ROBO1: variants seen among roughly 807,000 people sequenced by gnomAD.
The protein encoded by ROBO1 is roundabout homolog 1.
In ROBO1, 149 loss-of-function variants were observed where a neutral mutation model predicts 195.9. The observed-to-expected ratio is 0.76, with a 90% CI of 0.67 to 0.87. ROBO1 has a LOEUF of 0.87. Ranked by LOEUF, ROBO1 falls within the 40% of genes least tolerant of loss-of-function variation. ROBO1 has a pLI of 0.00. For synonymous variants in ROBO1, 816 were observed against 733.2 expected, an observed-to-expected ratio of 1.11 and a Z score of -1.82; for missense variants, 1,933 against 2,068.3, an observed-to-expected ratio of 0.93 and a Z score of 1.27.
intron 2 of ROBO1, among the ~76,000 whole-genome samples, chr3:79,565,250 A>T (rs1326599250): frequency 6.6e-6 from 1 of 152,016 alleles, no homozygotes; most frequent in Admixed American, 6.6e-5. Context: ...GCACAGTCTT[A>T]ACCATCAGAC....
intron 2 of ROBO1, among the ~76,000 whole-genome samples, chr3:79,580,394 G>T (rs1943621307): frequency 6.6e-6 from 1 of 151,752 alleles, no homozygotes; most frequent in Non-Finnish European, 1.5e-5. Flanking sequence ...GAATCACTTG[G>T]ACCCTTGAGC....
At chr3:78,720,234 T>C (rs970249349) in intron 5 of ROBO1, among the ~76,000 whole-genome samples, 11 of 152,224 alleles carry the variant, frequency 7.2e-5, no homozygotes, top group African/African-American at 2.4e-4. Context: ...GTAAAAATTT[T>C]GTGGGAGGAA....
chr3:78,739,543 G>A (rs1017680402), intron 5 of ROBO1, among the ~76,000 whole-genome samples: 7 of 152,070 alleles, frequency 4.6e-5, no homozygotes, highest in Non-Finnish European at 8.8e-5. Flanking sequence ...AGTGGCAAAT[G>A]ATGACAGTTA....
intron 26 of ROBO1, among the ~76,000 whole-genome samples, chr3:78,618,505 A>T (rs1704259700): frequency 6.6e-6 from 1 of 152,128 alleles, no homozygotes; most frequent in African/African-American, 2.4e-5. Flanking sequence ...TACTTTTTCA[A>T]GCAAATGAAG....
intron 3 of ROBO1, among the ~76,000 whole-genome samples, chr3:79,016,087 C>T (rs180857392): frequency 1.2e-3 from 179 of 152,318 alleles, no homozygotes; most frequent in African/African-American, 4.1e-3. Flanking sequence ...ACATGAAACA[C>T]AATCTTTCAA....
intron 10 of ROBO1, among the ~76,000 whole-genome samples, chr3:78,680,573 C>T (rs1298392628): frequency 3.3e-5 from 5 of 151,812 alleles, no homozygotes; most frequent in African/African-American, 1.2e-4. Context: ...CCAAACAACA[C>T]ATGAAAAAAT....
chr3:78,644,231 G>A (rs112115221), intron 21 of ROBO1, among the ~76,000 whole-genome samples: 109 of 151,940 alleles, frequency 7.2e-4, no homozygotes, highest in African/African-American at 2.1e-3. Flanking sequence ...TATTTTTTCC[G>A]TAGCATTTAT....
chr3:78,736,441 T>C (rs374175417), intron 5 of ROBO1, among the ~76,000 whole-genome samples: 12 of 152,134 alleles, frequency 7.9e-5, no homozygotes, highest in African/African-American at 2.6e-4. Context: ...AGAAATCTAG[T>C]GTGGGTATTT....
intron 2 of ROBO1, among the ~76,000 whole-genome samples, chr3:79,551,121 T>G (rs1391762043): frequency 2.0e-5 from 3 of 152,130 alleles, no homozygotes; most frequent in Non-Finnish European, 4.4e-5. Flanking sequence ...AGTCAATAAT[T>G]TAAGTTTATT....
intron 2 of ROBO1, among the ~76,000 whole-genome samples, chr3:79,447,809 G>C (rs990362562): frequency 6.6e-6 from 1 of 151,958 alleles, no homozygotes; most frequent in Non-Finnish European, 1.5e-5. Flanking sequence ...AATTAGAAGA[G>C]ACATCGCCTA....
intron 2 of ROBO1, among the ~76,000 whole-genome samples, chr3:79,478,366 T>G (rs186782307): frequency 6.7e-6 from 1 of 149,986 alleles, no homozygotes; most frequent in Admixed American, 6.7e-5. Flanking sequence ...TTATTCAACC[T>G]GGAACTGAAT....
intron 2 of ROBO1, among the ~76,000 whole-genome samples, chr3:79,202,536 T>C (rs1473431835): frequency 8.0e-6 from 1 of 124,334 alleles, no homozygotes; most frequent in Non-Finnish European, 1.7e-5. Context: ...TTAATCTACA[T>C]AAAAAATCAG....
At chr3:79,471,745 C>G (rs138367633) in intron 2 of ROBO1, among the ~76,000 whole-genome samples, 3,841 of 152,164 alleles carry the variant, frequency 0.025, 183 homozygotes, top group African/African-American at 0.088. Context: ...CCATGGAATA[C>G]TATGCAGCCA....
intron 4 of ROBO1, among the ~76,000 whole-genome samples, chr3:78,759,559 T>A (rs1249691944): frequency 6.6e-6 from 1 of 152,170 alleles, no homozygotes; most frequent in Non-Finnish European, 1.5e-5. Flanking sequence ...TCTTGTCCAT[T>A]TAAATATATG....
intron 4 of ROBO1, among the ~76,000 whole-genome samples, chr3:78,757,711 T>G (rs895854840): frequency 6.6e-6 from 1 of 152,092 alleles, no homozygotes; most frequent in Admixed American, 6.6e-5. Context: ...GAAGCATAAT[T>G]AAGGTTGCCA....
At chr3:79,550,202 A>AAAGAAAGGAAAGG in intron 2 of ROBO1, among the ~76,000 whole-genome samples, 1 of 103,136 alleles carries the variant, frequency 9.7e-6, no homozygotes, top group East Asian at 2.8e-4. Flanking sequence ...AAAGGAAAAG[A>AAAGAAAGGAAAGG]AAAGAAAAGA....
At chr3:79,288,302 T>G (rs182663581) in intron 2 of ROBO1, among the ~76,000 whole-genome samples, 1 of 152,312 alleles carries the variant, frequency 6.6e-6, no homozygotes, top group East Asian at 1.9e-4. Context: ...TTTTATTCTT[T>G]TCTGAATTAC....
chr3:78,951,053 GT>G (rs2107774040), intron 3 of ROBO1, among the ~76,000 whole-genome samples: 1 of 151,524 alleles, frequency 6.6e-6, no homozygotes, highest in East Asian at 1.9e-4. Flanking sequence ...ATATGTGTAT[GT>G]TATATATCAT....
At chr3:78,969,621 A>G (rs2076719350) in intron 3 of ROBO1, among the ~76,000 whole-genome samples, 1 of 152,122 alleles carries the variant, frequency 6.6e-6, no homozygotes, top group Non-Finnish European at 1.5e-5. Flanking sequence ...TCATCTGAGT[A>G]CGCCTACTCA....
Sources: allele counts gnomAD v4.1 joint callset (sites outside exome capture counted in the v4.1 genomes callset), GRCh38; gene constraint gnomAD v4.1.1; transcripts MANE v1.5; gene names NCBI Gene and HGNC (gene_info 2026-07-23, HGNC 2026-07-21).